Variants in ZFP2 observed in about 807,000 individuals in gnomAD.
The protein encoded by ZFP2 is ZFP2 zinc finger protein.
In ZFP2, 33 loss-of-function variants were observed where a neutral mutation model predicts 36.1. That is an observed-to-expected ratio of 0.92 (90% confidence interval 0.69 to 1.22). The LOEUF (loss-of-function observed/expected upper bound fraction) is 1.22. ZFP2 is among the 50% of genes most tolerant of loss of function. The pLI is 0.00. For synonymous variants in ZFP2, 170 were observed against 178.0 expected (o/e 0.96, Z 0.36); for missense variants, 522 against 551.4 (o/e 0.95, Z 0.53).
At chr5:178,900,344 A>C in intron 1 of ZFP2, among the ~76,000 whole-genome samples, 1 of 141,366 alleles carries the variant, frequency 7.1e-6, no homozygotes, top group Non-Finnish European at 1.5e-5. Flanking sequence ...CCCCCTCCCC[A>C]GCCAGACAGT....
chr5:178,916,565 A>C lies in ZFP2; in HGVS notation c.-223A>C. On this transcript the variant is annotated splice_region_variant and 5_prime_UTR_variant, in exon 4 of 5. Transcript: ENST00000361362. ...AAACTCCAGATCTTGTTCTTTCCAGATTTTCTTGGATATTGCTGTCAGATT... is the reference window on the plus strand; with the variant it reads ...AAACTCCAGATCTTGTTCTTTCCAGCTTTTCTTGGATATTGCTGTCAGATT... 1 of 985,346 alleles carries C rather than the reference A, an allele frequency of 1.0e-6. No homozygotes were observed. Among genetic ancestry groups the C allele is most frequent in the South Asian group, 4.7e-5 (1 of 21,282 alleles). The allele number at this position is 985,346 out of a possible 1,614,324, so 61.0% of individuals were successfully genotyped here. A position where few individuals can be genotyped will look rare whatever the true frequency, so the allele number is the denominator to read the frequency against.
rs371435374 is a variant in ZFP2, at chr5:178,913,231, T to C, written c.-224+160T>C. Among the ~76,000 whole-genome samples, 10 of 152,358 alleles carry C rather than the reference T, an allele frequency of 6.6e-5. 1 individual carries two copies. In the South Asian group the frequency reaches 1.2e-3, roughly 19 times the overall value. On this transcript the variant is annotated intron_variant, in intron 3 of 4. Coordinates refer to ENST00000361362, the MANE Select transcript of ZFP2 (RefSeq NM_030613.4). ...GCCTCTTTTCTCTAGGGCTCACTTA[T>C]GTCATCTTGCAGGGAGGTGGTGGAT...
Position 178,932,035 on chromosome 5 carries a change from C to G in ZFP2, c.722C>G (p.Pro241Arg), listed in dbSNP as rs143860506. The change falls in exon 5 of 5, where the codon CCC (proline) becomes CGC (arginine). Residue 241 changes from proline (P) to arginine (R), a missense_variant. Pro to Arg is a moderately radical substitution (Grantham distance 103, BLOSUM62 -2). Coordinates refer to ENST00000361362, the MANE Select transcript of ZFP2 (RefSeq NM_030613.4). The stretch of plus-strand genomic sequence containing the variant: ...CAGAGAACTCATACAGGAGAAAAAC[C>G]CTATGAATGTAATGAATGTGGAAAA... ...VHQRTHTGEKPYECNECGKAF... is the reference protein window; with the variant it reads ...VHQRTHTGEKRYECNECGKAF... 11 of 1,613,850 alleles carry G rather than the reference C, an allele frequency of 6.8e-6. No individual in the cohort carries two copies. The highest frequency in any genetic ancestry group is 1.3e-5 in the African/African-American group (1 of 74,866).
At chr5:178,911,849 T>A (rs72816627) in intron 1 of ZFP2, among the ~76,000 whole-genome samples, 3,360 of 152,308 alleles carry the variant, frequency 0.022, 49 homozygotes, top group Non-Finnish European at 0.036. Flanking sequence ...TTAAGTAATT[T>A]ATCTGGCCGG....
At chr5:178,910,004 G>A in intron 1 of ZFP2, 10 of 1,422,708 alleles carry the variant, frequency 7.0e-6, no homozygotes, top group South Asian at 6.9e-5. Flanking sequence ...TCCATAGGGT[G>A]ATGGCTATTT....
In ZFP2 at chr5:178,932,678, ACAT is replaced by A; in HGVS notation, c.1368_1370del (p.His456del). On this transcript the variant is annotated inframe_deletion, in exon 5 of 5. Coordinates refer to ENST00000361362, the MANE Select transcript of ZFP2 (RefSeq NM_030613.4). ...TCAGCCGGAGTACAAACCTTACACGACATCAAAGAACTCATACGTGAGGAATGT... is the reference window on the plus strand; with the variant it reads ...TCAGCCGGAGTACAAACCTTACACGACAAAGAACTCATACGTGAGGAATGT... The A allele has an allele frequency of 6.2e-7, 1 of 1,601,414 alleles. No individual in the cohort carries two copies. The highest frequency in any genetic ancestry group is 8.5e-7 in the Non-Finnish European group (1 of 1,174,170).
chr5:178,902,972 A>C (rs1010591933), intron 1 of ZFP2, among the ~76,000 whole-genome samples: 7 of 152,226 alleles, frequency 4.6e-5, no homozygotes, highest in Admixed American at 3.9e-4. Context: ...TTAGTTAACC[A>C]GTCTGCCTTA....
Position 178,931,594 on chromosome 5 carries a change from G to T in ZFP2, c.281G>T (p.Arg94Ile), listed in dbSNP as rs115307543. ...AATTCTGAGTTAATTAAAACTCAAA[G>T]AATGTTTGTAGGAAAGAAGATCTAT... ...TQNSELIKTQ[R>I]MFVGKKIYEC... The change falls in exon 5 of 5, where the codon AGA becomes ATA. Residue 94 changes from arginine (R) to isoleucine (I), a missense_variant. Coordinates refer to ENST00000361362, the MANE Select transcript of ZFP2 (RefSeq NM_030613.4). 6.8e-6 allele frequency: 11 copies of T among 1,614,130 alleles called. No homozygotes were observed. The highest frequency in any genetic ancestry group is 7.6e-6 in the Non-Finnish European group (9 of 1,180,030).
rs1248849615 is a variant in ZFP2, at chr5:178,931,660, C to A, written c.347C>A (p.Ser116Tyr). 2.5e-6 allele frequency: 4 copies of A among 1,613,992 alleles called. No individual in the cohort carries two copies. The African/African-American group carries it at 5.3e-5, about 22-fold the overall frequency. ...AGCAAAACCTTCAGTCAGAGCTCAT[C>A]CCTTCTTAAGCACCAGAGGATTCAT... ...QCSKTFSQSS[S>Y]LLKHQRIHTG... The change falls in exon 5 of 5, where the codon TCC (serine) becomes TAC (tyrosine). Residue 116 changes from serine (S) to tyrosine (Y), a missense_variant. Physicochemically the swap from Ser to Tyr is moderately radical, Grantham distance 144. Coordinates refer to ENST00000361362, the MANE Select transcript of ZFP2 (RefSeq NM_030613.4).
At position 178,913,271 on chromosome 5, in the gene ZFP2, G is replaced by C. The variant is rs146533025; in HGVS notation, c.-224+200G>C. Among the ~76,000 whole-genome samples, 175 of 152,320 alleles carry C rather than the reference G, an allele frequency of 1.1e-3. 1 individual carries two copies. Among genetic ancestry groups the C allele is most frequent in the African/African-American group, 4.0e-3 (167 of 41,576 alleles). ...AGGTGGTGGATTATGAGGAGTAAAT[G>C]AGTTTTTACATTTATGGCACTTACC... On this transcript the variant is annotated intron_variant, in intron 3 of 4. Coordinates refer to ENST00000361362, the MANE Select transcript of ZFP2 (RefSeq NM_030613.4).
At chr5:178,915,619 GT>G (rs10625590) in intron 3 of ZFP2, 12 of 148,474 alleles carry the variant, frequency 8.1e-5, no homozygotes, top group South Asian at 2.1e-4. Flanking sequence ...CAGCTCACTT[GT>G]TTTTTTTTTT....
chr5:178,920,806 A>G (rs1249054566), intron 4 of ZFP2, among the ~76,000 whole-genome samples: 4 of 152,336 alleles, frequency 2.6e-5, no homozygotes, highest in African/African-American at 9.6e-5. Context: ...AGATAATTGT[A>G]TCATCTCACT....
intron 1 of ZFP2, among the ~76,000 whole-genome samples, chr5:178,904,923 G>A (rs962913235): frequency 1.3e-5 from 2 of 151,782 alleles, no homozygotes; most frequent in Non-Finnish European, 2.9e-5. Context: ...GGCTGGTCTC[G>A]AACTCCTGAC....
At position 178,932,807 on chromosome 5, in the gene ZFP2, T is replaced by C. The variant is rs1382988588; in HGVS notation, c.*108T>C. The C allele has an allele frequency of 3.7e-6, 5 of 1,358,794 alleles. No homozygotes were observed. Among genetic ancestry groups the C allele is most frequent in the Non-Finnish European group, 4.9e-6 (5 of 1,011,808 alleles). 84.2% of individuals were successfully genotyped at this position (1,358,794 alleles called of 1,614,324 possible). A position where few individuals can be genotyped will look rare whatever the true frequency, so the allele number is the denominator to read the frequency against. ...TGTAATGATTGTGGGAATCTTTCAG[T>C]TGAAGTACAATATGTCATATCAGAT... On this transcript the variant is annotated 3_prime_UTR_variant, in exon 5 of 5. Coordinates refer to ENST00000361362, the MANE Select transcript of ZFP2 (RefSeq NM_030613.4).
In ZFP2 at chr5:178,918,714, A is replaced by G. The variant is rs76534846; in HGVS notation, c.-78+2004A>G. ...CAAAAGTCTTGTTTAGGAAAAAAGG[A>G]AAGGCAGAGAGAACTGTATGTTGCT... On this transcript the variant is annotated intron_variant, in intron 4 of 4. Transcript: ENST00000361362. 6.0e-3 allele frequency among the ~76,000 whole-genome samples: 907 copies of G among 152,386 alleles called. 3 individuals carry two copies. Among genetic ancestry groups the G allele is most frequent in the Admixed American group, 0.01 (160 of 15,312 alleles).
At chr5:178,901,036 C>G (rs1758048874) in intron 1 of ZFP2, among the ~76,000 whole-genome samples, 1 of 152,182 alleles carries the variant, frequency 6.6e-6, no homozygotes, top group Admixed American at 6.5e-5. Flanking sequence ...TTAAGTAGTA[C>G]ACAGTTGAAT....
chr5:178,899,685 T>C (rs970913026), intron 1 of ZFP2, among the ~76,000 whole-genome samples: 1 of 151,950 alleles, frequency 6.6e-6, no homozygotes, highest in Non-Finnish European at 1.5e-5. Context: ...GTCCGTGAGA[T>C]GGAGGGAAGC....
At position 178,931,846 on chromosome 5, in the gene ZFP2, G is replaced by A. The variant is rs374648668; in HGVS notation, c.533G>A (p.Arg178Gln). ...SQSMNLTVHQ[R>Q]THTGEKPYQC... ...AGCATGAATCTTACTGTCCATCAAC[G>A]AACTCACACCGGAGAGAAACCCTAT... Residue 178 changes from arginine to glutamine, a missense_variant, in exon 5 of 5, where the codon CGA becomes CAA. Transcript: ENST00000361362. The A allele has an allele frequency of 1.5e-5, 24 of 1,612,580 alleles. No homozygotes were observed. The African/African-American group carries it at 1.9e-4, about 13-fold the overall frequency.
At chr5:178,896,120 C>T (rs1757929775) in intron 1 of ZFP2, 146 bp downstream of exon 1, 1 of 152,280 alleles carries the variant, frequency 6.6e-6, no homozygotes, top group South Asian at 2.1e-4. Flanking sequence ...GGTGCGGCCT[C>T]ACTGCGCCTG....
Sources: gnomAD v4.1 joint callset for allele counts (sites outside exome capture counted in the v4.1 genomes callset) on GRCh38, gnomAD v4.1.1 for gene constraint, MANE v1.5 for transcripts, NCBI Gene and HGNC (gene_info 2026-07-23, HGNC 2026-07-21) for gene names.